The following SAMMSON variants were observed in gnomAD, a reference collection of about 807,000 sequenced individuals.
SAMMSON encodes long intergenic non-protein coding RNA 1212.
At chr3:70,096,303 G>A (rs2067322651) in intron 4 of SAMMSON, among the ~76,000 whole-genome samples, 1 of 152,154 alleles carries the variant, frequency 6.6e-6, no homozygotes, top group Non-Finnish European at 1.5e-5. Context: ...CAGCACTTTG[G>A]GAGGCCAAGG....
chr3:70,026,196 A>G (rs746793128), intron 3 of SAMMSON, among the ~76,000 whole-genome samples: 1 of 152,320 alleles, frequency 6.6e-6, no homozygotes, highest in South Asian at 2.1e-4. Flanking sequence ...TTGGAAGATG[A>G]TATTTACTGC....
chr3:70,355,066 C>T (rs1015138757), intron 8 of SAMMSON, among the ~76,000 whole-genome samples: 2 of 152,024 alleles, frequency 1.3e-5, no homozygotes, highest in Non-Finnish European at 2.9e-5. Context: ...AATAAGCTAC[C>T]TACCCCTGGC....
intron 3 of SAMMSON, among the ~76,000 whole-genome samples, chr3:70,025,611 A>G (rs1576100782): frequency 6.6e-6 from 1 of 152,188 alleles, no homozygotes; most frequent in Non-Finnish European, 1.5e-5. Flanking sequence ...AAGTCAGAAA[A>G]TAGCAAACAG....
intron 2 of SAMMSON, among the ~76,000 whole-genome samples, chr3:70,418,449 G>C (rs2106772554): frequency 6.6e-6 from 1 of 152,258 alleles, no homozygotes; most frequent in East Asian, 1.9e-4. Flanking sequence ...GGCTCAGCTT[G>C]CTTACTCTTG....
At chr3:70,254,744 T>C (rs548339099) in intron 6 of SAMMSON, among the ~76,000 whole-genome samples, 2 of 152,312 alleles carry the variant, frequency 1.3e-5, no homozygotes, top group African/African-American at 4.8e-5. Context: ...CTCTACTCAA[T>C]AGAGATATTC....
chr3:70,075,514 A>G (rs1200608477), intron 4 of SAMMSON: 1 of 152,172 alleles, frequency 6.6e-6, no homozygotes, highest in Non-Finnish European at 1.5e-5. Flanking sequence ...GTAAGCTAAG[A>G]CTTTAAGTGC....
In SAMMSON at chr3:70,144,091, G is replaced by A. The variant is rs540590078; in HGVS notation, n.507+72526G>A. 4.6e-5 allele frequency among the ~76,000 whole-genome samples: 7 copies of A among 152,076 alleles called. No individual in the cohort carries two copies. The South Asian group carries it at 1.5e-3, about 32-fold the overall frequency. ...CATTTAAAAACAACTTTCCTTGGTA[G>A]AAGAACTCATCAAAAAATATTTGGA... On this transcript the variant is annotated intron_variant and non_coding_transcript_variant, in intron 4 of 9. Coordinates refer to ENST00000642114, the Ensembl canonical transcript of SAMMSON.
intron 7 of SAMMSON, among the ~76,000 whole-genome samples, chr3:70,297,029 C>T (rs771999387): frequency 6.6e-6 from 1 of 151,992 alleles, no homozygotes; most frequent in Non-Finnish European, 1.5e-5. Flanking sequence ...CATACTATGG[C>T]TTAACCAAGG....
intron 4 of SAMMSON, among the ~76,000 whole-genome samples, chr3:70,108,662 G>A (rs181033663): frequency 6.6e-5 from 10 of 151,660 alleles, no homozygotes; most frequent in African/African-American, 9.7e-5. Context: ...TTTATGATGA[G>A]ATTAGTGCTT....
At chr3:70,026,771 A>G (rs908238459) in intron 3 of SAMMSON, among the ~76,000 whole-genome samples, 7 of 152,316 alleles carry the variant, frequency 4.6e-5, no homozygotes, top group South Asian at 4.2e-4. Flanking sequence ...AGCAATGTCA[A>G]CCTACTTGGT....
intron 4 of SAMMSON, among the ~76,000 whole-genome samples, chr3:70,185,953 G>C (rs562915588): frequency 1.3e-5 from 2 of 152,150 alleles, no homozygotes; most frequent in East Asian, 3.9e-4. Flanking sequence ...CTCCAGTCTG[G>C]GCAACAAAGT....
At chr3:70,403,392 T>C (rs1701155840) in intron 2 of SAMMSON, among the ~76,000 whole-genome samples, 1 of 152,134 alleles carries the variant, frequency 6.6e-6, no homozygotes, top group Non-Finnish European at 1.5e-5. Context: ...ATGACAGGTG[T>C]ACAAGAGATG....
intron 4 of SAMMSON, among the ~76,000 whole-genome samples, chr3:70,170,053 G>A (rs1559527346): frequency 6.6e-6 from 1 of 151,926 alleles, no homozygotes; most frequent in Non-Finnish European, 1.5e-5. Context: ...GCAGTTATGT[G>A]TATTAAATAC....
chr3:70,009,252 G>A (rs1383643113), intron 1 of SAMMSON: 3 of 151,468 alleles, frequency 2.0e-5, no homozygotes. Context: ...GAATTCGGCT[G>A]TGAATCCATC....
intron 9 of SAMMSON, among the ~76,000 whole-genome samples, chr3:70,381,965 A>G (rs1247722347): frequency 6.6e-6 from 1 of 152,164 alleles, no homozygotes; most frequent in African/African-American, 2.4e-5. Flanking sequence ...ATGTCTAGGA[A>G]CTATTGCTAA....
intron 6 of SAMMSON, among the ~76,000 whole-genome samples, chr3:70,255,161 G>T (rs1701803437): frequency 6.6e-6 from 1 of 152,134 alleles, no homozygotes; most frequent in Non-Finnish European, 1.5e-5. Context: ...TGGTATCAAA[G>T]AAGTTAATTT....
intron 6 of SAMMSON, among the ~76,000 whole-genome samples, chr3:70,266,152 A>G (rs1701915566): frequency 6.6e-6 from 1 of 152,184 alleles, no homozygotes; most frequent in Non-Finnish European, 1.5e-5. Context: ...AGTAGCCTTA[A>G]GCAGAATGTT....
intron 7 of SAMMSON, among the ~76,000 whole-genome samples, chr3:70,321,806 C>T (rs1702540976): frequency 6.6e-6 from 1 of 151,738 alleles, no homozygotes; most frequent in Admixed American, 6.6e-5. Flanking sequence ...AGAAAACTCT[C>T]TAAAGGGGAA....
At chr3:70,357,055 G>A (rs1471866470) in intron 8 of SAMMSON, among the ~76,000 whole-genome samples, 1 of 152,070 alleles carries the variant, frequency 6.6e-6, no homozygotes, top group African/African-American at 2.4e-5. Flanking sequence ...TTATATTCTG[G>A]GGGTTTTAAC....
Sources: gnomAD v4.1 joint callset for allele counts (sites outside exome capture counted in the v4.1 genomes callset) on GRCh38, gnomAD v4.1.1 for gene constraint, MANE v1.5 for transcripts, NCBI Gene and HGNC (gene_info 2026-07-23, HGNC 2026-07-21) for gene names.